Variants in SPTBN2 observed in about 807,000 individuals in gnomAD.
SPTBN2 encodes spectrin beta, non-erythrocytic 2.
Under a neutral mutation model 284.2 loss-of-function variants are expected in SPTBN2, and 107 were observed. That is an observed-to-expected ratio of 0.38 (90% CI 0.32 to 0.44). The LOEUF (loss-of-function observed/expected upper bound fraction) is 0.44, where lower values mean the gene tolerates loss of function less well. SPTBN2 is among the 20% of genes least tolerant of loss of function. SPTBN2 has a pLI of 1.00. For synonymous variants in SPTBN2, 1,289 were observed against 1,354.8 expected, an observed-to-expected ratio of 0.95 and a Z score of 1.07; for missense variants, 2,569 against 3,287.1, an observed-to-expected ratio of 0.78 and a Z score of 5.34.
intron 21 of SPTBN2, among the ~76,000 whole-genome samples, chr11:66,694,687 A>C (rs1029298956): frequency 6.6e-6 from 1 of 152,224 alleles, no homozygotes; most frequent in Admixed American, 6.5e-5. Flanking sequence ...GATTGAAATT[A>C]AAAAATCCAG....
rs763687305 is a variant in SPTBN2 at position 66,689,203 on chromosome 11, T to A, written c.5950-23A>T. 18 of 1,592,374 alleles carry A rather than the reference T, an allele frequency of 1.1e-5. No homozygotes were observed. The African/African-American group carries it at 1.9e-4, about 17-fold the overall frequency. On this transcript the variant is annotated intron_variant, in intron 29 of 37. Transcript: ENST00000533211. ...GATCTGGGGGCGGGGGGCAGAGATATGAGTTAGCACCAGGATGTGAGATCT... is the reference window on the plus strand; with the variant it reads ...GATCTGGGGGCGGGGGGCAGAGATAAGAGTTAGCACCAGGATGTGAGATCT...
In SPTBN2 at chr11:66,718,317, C is replaced by G. The variant is rs1421700115; in HGVS notation, c.158-2336G>C. Among the ~76,000 whole-genome samples, 1 of 152,232 alleles carries G rather than the reference C, an allele frequency of 6.6e-6. No individual in the cohort carries two copies. Among genetic ancestry groups the G allele is most frequent in the African/African-American group, 2.4e-5 (1 of 41,464 alleles). ...TCCCCTCTAAGCTGCATCACGTTGTCTCCCAACACAAACACTGGAGTCACA... is the reference window on the plus strand; with the variant it reads ...TCCCCTCTAAGCTGCATCACGTTGTGTCCCAACACAAACACTGGAGTCACA... On this transcript the variant is annotated intron_variant, in intron 3 of 37. Transcript: ENST00000533211. The surrounding 1 kb of genome is among the most constrained non-coding windows in gnomAD (Gnocchi z 4.8).
At chr11:66,689,236 G>A in intron 29 of SPTBN2, 56 bp from the exon 30 acceptor site, 1 of 1,551,794 alleles carries the variant, frequency 6.4e-7, no homozygotes, top group South Asian at 1.2e-5. Flanking sequence ...TCTTTCCACG[G>A]CCCCTGGGGA....
At position 66,714,161 on chromosome 11, in the gene SPTBN2, C is replaced by T. The variant is rs759212663; in HGVS notation, c.586G>A (p.Val196Ile). ...CTGGTGGTGAAGTTGTGTACATTGA[C>T]GTTGGGATAACTATAAACAGAGATT... ...CQMKTAGYPNVNVHNFTTSWR... is the reference protein window; with the variant it reads ...CQMKTAGYPNINVHNFTTSWR... The change falls in exon 7 of 38, where the codon GTC becomes ATC. Residue 196 changes from valine to isoleucine, a missense_variant. Val to Ile is a conservative substitution (Grantham distance 29, BLOSUM62 3). This residue lies in a region of SPTBN2 where 304 missense variants were observed against 522.1 expected (regional missense o/e 0.58). Coordinates refer to ENST00000533211, the MANE Select transcript of SPTBN2 (RefSeq NM_006946.4). The T allele has an allele frequency of 6.2e-6, 10 of 1,614,152 alleles. No homozygotes were observed. Among genetic ancestry groups the T allele is most frequent in the Admixed American group, 1.7e-5 (1 of 60,024 alleles).
chr11:66,736,288 CG>C (rs1196474970), intron 1 of SPTBN2, among the ~76,000 whole-genome samples: 7 of 152,156 alleles, frequency 4.6e-5, no homozygotes, highest in African/African-American at 1.7e-4. Flanking sequence ...TTGATGAAAT[CG>C]GAGAAAGTAG....
intron 7 of SPTBN2, 130 bp from the exon 8 acceptor site, chr11:66,713,876 C>A: frequency 1.1e-6 from 1 of 879,716 alleles, no homozygotes; most frequent in East Asian, 2.5e-5. Context: ...CCCAAACCCA[C>A]ACTGCTGCTC....
intron 13 of SPTBN2, 30 bp from the exon 14 acceptor site, chr11:66,705,867 C>T (rs753088734): frequency 2.8e-5 from 45 of 1,609,578 alleles, no homozygotes; most frequent in Non-Finnish European, 3.7e-5. Context: ...TGCACATGCC[C>T]GCCTGAGCAC....
At chr11:66,717,583 C>A (rs1051224083) in intron 3 of SPTBN2, among the ~76,000 whole-genome samples, 4 of 152,220 alleles carry the variant, frequency 2.6e-5, no homozygotes, top group Admixed American at 1.3e-4. Context: ...ACCCATGAAA[C>A]CAAGGTGCCT....
At chr11:66,721,053 T>TC (rs770357609) in intron 3 of SPTBN2, 31 bp downstream of exon 3, 7 of 1,613,610 alleles carry the variant, frequency 4.3e-6, no homozygotes, top group Non-Finnish European at 5.9e-6. Flanking sequence ...TCCTCCAGCA[T>TC]CCCCCCACCT....
chr11:66,693,819 G>A lies in SPTBN2; in HGVS notation c.4546C>T (p.His1516Tyr). Residue 1516 changes from histidine (H) to tyrosine (Y), a missense_variant, in exon 23 of 38, where the codon CAT becomes TAT. Coordinates refer to ENST00000533211, the MANE Select transcript of SPTBN2 (RefSeq NM_006946.4). This position sits in a 1 kb window ranked among gnomAD's most constrained non-coding sequence, Gnocchi z 5.7. Reference sequence around the variant, plus strand: ...TGGACGCTGGGCAGGTCCTTGCCATGCTCCATGGAGCTGGCCATGGGCAGC... The same window carrying A: ...TGGACGCTGGGCAGGTCCTTGCCATACTCCATGGAGCTGGCCATGGGCAGC... ...ERLPMASSME[H>Y]GKDLPSVQLL... 1 of 1,613,914 alleles carries A rather than the reference G, an allele frequency of 6.2e-7. No homozygotes were observed. Among genetic ancestry groups the A allele is most frequent in the Non-Finnish European group, 8.5e-7 (1 of 1,179,952 alleles).
chr11:66,726,091 T>C (rs1302788541), intron 1 of SPTBN2, among the ~76,000 whole-genome samples: 1 of 152,216 alleles, frequency 6.6e-6, no homozygotes, highest in Non-Finnish European at 1.5e-5. Context: ...CTCGTTTTGG[T>C]GTTTTTCCAG....
rs774502049 is a variant in SPTBN2 at position 66,686,023 on chromosome 11, C to A, written c.7021G>T (p.Val2341Leu). The change falls in exon 38 of 38, where the codon GTG becomes TTG. Residue 2341 changes from valine to leucine, a missense_variant. Physicochemically the swap from Val to Leu is conservative, Grantham distance 32. Around this residue, in one of 6 missense-constraint regions of SPTBN2, gnomAD observed 1,130 missense variants for 1,317.3 expected, o/e 0.86. Coordinates refer to ENST00000533211, the MANE Select transcript of SPTBN2 (RefSeq NM_006946.4). ...SSASGEPEEP[V>L]VPSTTRGMTR... ...ATGCCCCGGGTGGTGCTGGGCACCA[C>A]CGGCTCTTCAGGCTCTCCAGAGGCA... 1.2e-6 allele frequency: 2 copies of A among 1,613,634 alleles called. No individual in the cohort carries two copies. Among genetic ancestry groups the A allele is most frequent in the African/African-American group, 1.3e-5 (1 of 74,912 alleles).
rs764325671 is a variant in SPTBN2, at chr11:66,710,563, G to C, written c.1073+19C>G. ...TGGGAGCACAGCTCAGGGAAGGGTG[G>C]GGCCCCAGGGACACCTACTTGGGCG... On this transcript the variant is annotated intron_variant, in intron 10 of 37. Coordinates refer to ENST00000533211, the MANE Select transcript of SPTBN2 (RefSeq NM_006946.4). This position sits in a 1 kb window ranked among gnomAD's most constrained non-coding sequence, Gnocchi z 4.9. 2.5e-6 allele frequency: 4 copies of C among 1,611,242 alleles called. No individual in the cohort carries two copies. In the South Asian group the frequency reaches 4.4e-5, roughly 18 times the overall value.
intron 1 of SPTBN2, among the ~76,000 whole-genome samples, chr11:66,735,202 G>A (rs1036423103): frequency 5.3e-5 from 8 of 152,026 alleles, no homozygotes; most frequent in Admixed American, 3.3e-4. Context: ...GCGTGGTGGC[G>A]CATGTCTGTA....
chr11:66,704,591 G>A lies in SPTBN2; in HGVS notation c.2678+7C>T, dbSNP rs773134107. On this transcript the variant is annotated splice_region_variant and intron_variant, in intron 15 of 37. Transcript: ENST00000533211. ...GGCTGGTCCCACTAGGAGCCTGAGGGGCCTACCTCTGCTGCACGACCTCCA... is the reference window on the plus strand; with the variant it reads ...GGCTGGTCCCACTAGGAGCCTGAGGAGCCTACCTCTGCTGCACGACCTCCA... The A allele has an allele frequency of 3.1e-6, 5 of 1,610,160 alleles. No individual in the cohort carries two copies. In the South Asian group the frequency reaches 3.3e-5, roughly 11 times the overall value.
chr11:66,730,330 T>C (rs1942786960), upstream of SPTBN2, among the ~76,000 whole-genome samples: 2 of 150,970 alleles, frequency 1.3e-5, no homozygotes, highest in African/African-American at 4.9e-5. Context: ...ACCCTTGTAA[T>C]CCCAGCACTT....
chr11:66,741,632 C>T (rs765377040), intron 1 of SPTBN2, among the ~76,000 whole-genome samples: 1 of 152,168 alleles, frequency 6.6e-6, no homozygotes, highest in Non-Finnish European at 1.5e-5. Flanking sequence ...CTGAAAATAT[C>T]GAGAGCCATA....
rs536525490 is a variant in SPTBN2, at chr11:66,701,881, T to G, written c.2679-160A>C. 4.9e-4 allele frequency among the ~76,000 whole-genome samples: 74 copies of G among 152,160 alleles called. 1 individual carries two copies. The highest frequency in any genetic ancestry group is 1.8e-3 in the African/African-American group (73 of 41,494). The stretch of plus-strand genomic sequence containing the variant: ...CTCAGCCTATGAGGTTCATAGTATC[T>G]GTGCATCAAGGAAGGAACCCACAAC... On this transcript the variant is annotated intron_variant, in intron 15 of 37. Coordinates refer to ENST00000533211, the MANE Select transcript of SPTBN2 (RefSeq NM_006946.4).
At position 66,718,168 on chromosome 11, in the gene SPTBN2, C is replaced by T. The variant is rs1381251788; in HGVS notation, c.158-2187G>A. 6.6e-6 allele frequency among the ~76,000 whole-genome samples: 1 copy of T among 152,248 alleles called. No homozygotes were observed. The highest frequency in any genetic ancestry group is 1.5e-5 in the Non-Finnish European group (1 of 68,046). On this transcript the variant is annotated intron_variant, in intron 3 of 37. Transcript: ENST00000533211. The surrounding 1 kb of genome is among the most constrained non-coding windows in gnomAD (Gnocchi z 4.8). ...CCCTCCATGGCTAGTTGCCTTTGCT[C>T]CATGCAGCACCCCAAGGCCCGGCAG...
Sources: allele counts gnomAD v4.1 joint callset (sites outside exome capture counted in the v4.1 genomes callset), GRCh38; gene constraint gnomAD v4.1.1; regional missense constraint gnomAD v4.1.1; non-coding constraint Gnocchi (gnomAD v3.1); transcripts MANE v1.5; gene names NCBI Gene and HGNC (gene_info 2026-07-23, HGNC 2026-07-21).